The following NRG1 variants were observed in gnomAD, a reference collection of about 807,000 sequenced individuals.
NRG1 encodes the protein neuregulin 1, also known as pro-neuregulin-1, membrane-bound isoform.
NRG1 carries 18 observed loss-of-function variants against 63.8 expected under a neutral mutation model. The observed-to-expected ratio is 0.28, with a 90% CI of 0.19 to 0.42. The LOEUF (loss-of-function observed/expected upper bound fraction) is 0.42, where lower values mean the gene tolerates loss of function less well. Ranked by LOEUF, NRG1 falls within the 10% of genes least tolerant of loss-of-function variation. NRG1 has a pLI of 1.00. For missense variants in NRG1, 762 were observed against 814.7 expected, an observed-to-expected ratio of 0.94 and a Z score of 0.79; for synonymous variants, 302 against 301.3, an observed-to-expected ratio of 1.00 and a Z score of -0.02.
intron 1 of NRG1, among the ~76,000 whole-genome samples, chr8:32,113,785 T>C (rs764466467): frequency 1.3e-5 from 2 of 152,154 alleles, no homozygotes; most frequent in Non-Finnish European, 1.5e-5. Context: ...TAAGAAAACA[T>C]GGTAGTGCAT....
intron 1 of NRG1, among the ~76,000 whole-genome samples, chr8:31,924,993 G>A (rs1455977670): frequency 6.6e-6 from 1 of 151,138 alleles, no homozygotes; most frequent in East Asian, 1.9e-4. Context: ...GCTTTAAAAT[G>A]AACTTGTTTT....
At chr8:32,717,253 A>AAAG (rs970236074) in intron 5 of NRG1, among the ~76,000 whole-genome samples, 18 of 152,296 alleles carry the variant, frequency 1.2e-4, no homozygotes, top group African/African-American at 4.3e-4. Flanking sequence ...CAAGAAAAAA[A>AAAG]AGGAAATCGT....
At chr8:31,772,406 G>C (rs561297628) in intron 1 of NRG1, among the ~76,000 whole-genome samples, 1 of 152,312 alleles carries the variant, frequency 6.6e-6, no homozygotes, top group South Asian at 2.1e-4. Context: ...CTACTGAAGG[G>C]ACATGCCTTT....
intron 1 of NRG1, among the ~76,000 whole-genome samples, chr8:31,767,415 G>A (rs148328266): frequency 3.9e-5 from 6 of 152,234 alleles, no homozygotes; most frequent in African/African-American, 1.2e-4. Context: ...TAATATCCCA[G>A]TGTTGTATGT....
intron 1 of NRG1, among the ~76,000 whole-genome samples, chr8:32,414,165 C>T (rs1815524642): frequency 1.3e-5 from 2 of 152,084 alleles, no homozygotes. Context: ...TTTAGGGACT[C>T]AGAGTCTTCC....
At chr8:31,947,217 G>A (rs886776127) in intron 1 of NRG1, among the ~76,000 whole-genome samples, 6 of 150,908 alleles carry the variant, frequency 4.0e-5, no homozygotes, top group African/African-American at 7.4e-5. Context: ...GGAGAATGGC[G>A]TGAACCCGGG....
chr8:31,741,542 A>G (rs1264940526), intron 1 of NRG1, among the ~76,000 whole-genome samples: 1 of 152,070 alleles, frequency 6.6e-6, no homozygotes, highest in East Asian at 1.9e-4. Flanking sequence ...GTAGTAAATA[A>G]CATAAAAGCA....
At chr8:31,933,109 A>T (rs1018065394) in intron 1 of NRG1, among the ~76,000 whole-genome samples, 1 of 152,208 alleles carries the variant, frequency 6.6e-6, no homozygotes, top group African/African-American at 2.4e-5. Flanking sequence ...CTGTAGAAAG[A>T]ACTTCATTTT....
At chr8:32,693,747 T>A (rs1422546437) in intron 5 of NRG1, among the ~76,000 whole-genome samples, 2 of 152,196 alleles carry the variant, frequency 1.3e-5, no homozygotes, top group African/African-American at 4.8e-5. Flanking sequence ...ATATTAGTTT[T>A]CATTTCCTTC....
chr8:32,286,022 T>C (rs957992610), intron 1 of NRG1, among the ~76,000 whole-genome samples: 2 of 152,206 alleles, frequency 1.3e-5, no homozygotes, highest in African/African-American at 4.8e-5. Flanking sequence ...TCATTGTACA[T>C]AGCTTTCCAC....
intron 1 of NRG1, among the ~76,000 whole-genome samples, chr8:31,762,456 A>G (rs560056472): frequency 6.6e-6 from 1 of 152,166 alleles, no homozygotes; most frequent in Non-Finnish European, 1.5e-5. Context: ...TGATGGGCAT[A>G]TGGACTGGTT....
chr8:32,754,566 G>A (rs925624905), intron 8 of NRG1, 92 bp downstream of exon 8: 2 of 1,136,082 alleles, frequency 1.8e-6, no homozygotes, highest in Non-Finnish European at 2.6e-6. Flanking sequence ...CCACAGCCTA[G>A]TCTTGGGGAT....
At chr8:32,437,976 CTT>C (rs552486335) in intron 1 of NRG1, among the ~76,000 whole-genome samples, 2 of 151,978 alleles carry the variant, frequency 1.3e-5, no homozygotes, top group Non-Finnish European at 2.9e-5. Flanking sequence ...TTTTATTAAA[CTT>C]TGTATTTTGA....
chr8:32,486,627 A>AATTTC (rs71208187), intron 1 of NRG1, among the ~76,000 whole-genome samples: 2 of 145,518 alleles, frequency 1.4e-5, no homozygotes, highest in African/African-American at 5.1e-5. Context: ...GAATTGCTGG[A>AATTTC]TTTTTTTTTT....
chr8:32,005,971 C>G (rs977702609), intron 1 of NRG1, among the ~76,000 whole-genome samples: 1 of 151,980 alleles, frequency 6.6e-6, no homozygotes, highest in African/African-American at 2.4e-5. Context: ...ATTTCTCTCA[C>G]TTTCTCACTA....
chr8:31,891,528 T>A (rs1831144874), intron 1 of NRG1, among the ~76,000 whole-genome samples: 1 of 152,158 alleles, frequency 6.6e-6, no homozygotes, highest in South Asian at 2.1e-4. Context: ...GGATTACTCA[T>A]TCATTGCTGC....
intron 1 of NRG1, among the ~76,000 whole-genome samples, chr8:32,587,260 A>G (rs1841782879): frequency 6.6e-6 from 1 of 152,126 alleles, no homozygotes; most frequent in East Asian, 1.9e-4. Flanking sequence ...TTTTCTTGCA[A>G]TAATACAAGA....
chr8:32,355,668 G>GA (rs1471185031), intron 1 of NRG1, among the ~76,000 whole-genome samples: 8 of 104,136 alleles, frequency 7.7e-5, no homozygotes, highest in Admixed American at 4.9e-4. Context: ...GAAAGAAGGG[G>GA]GAAAAAAAAA....
At chr8:32,740,578 A>G (rs1008668893) in intron 6 of NRG1, among the ~76,000 whole-genome samples, 4 of 152,140 alleles carry the variant, frequency 2.6e-5, no homozygotes, top group Admixed American at 2.0e-4. Flanking sequence ...AACAAAAATA[A>G]TCCGTTTACT....
Sources: allele counts gnomAD v4.1 joint callset (sites outside exome capture counted in the v4.1 genomes callset), GRCh38; gene constraint gnomAD v4.1.1; transcripts MANE v1.5; gene names NCBI Gene and HGNC (gene_info 2026-07-23, HGNC 2026-07-21).